Variants in PIGH observed in about 807,000 individuals in gnomAD.
PIGH encodes the protein phosphatidylinositol N-acetylglucosaminyltransferase subunit H.
A neutral mutation model predicts 20.1 loss-of-function variants in PIGH; 11 were observed. The ratio of observed to expected loss-of-function variants is 0.55; its 90% CI spans 0.34 to 0.91. PIGH has a LOEUF of 0.91. Among genes scored for constraint, PIGH ranks in the 40% least tolerant of loss-of-function variants. The pLI is 0.02. For synonymous variants in PIGH, 72 were observed against 93.1 expected (o/e 0.77, Z 1.31); for missense variants, 189 against 233.6 (o/e 0.81, Z 1.24).
chr14:67,599,430 C>T (rs772407722), intron 1 of PIGH, among the ~76,000 whole-genome samples: 45 of 152,090 alleles, frequency 3.0e-4, no homozygotes, highest in Non-Finnish European at 6.2e-4. Context: ...CTATCACACA[C>T]GTCCAAAATT....
chr14:67,599,784 G>T (rs7149863), intron 1 of PIGH, among the ~76,000 whole-genome samples: 1 of 152,340 alleles, frequency 6.6e-6, no homozygotes, highest in South Asian at 2.1e-4. Flanking sequence ...GTGAACCCAC[G>T]GAGCAGAGCA....
intron 3 of PIGH, chr14:67,591,810 C>T (rs1477056169): frequency 6.6e-6 from 1 of 150,460 alleles, no homozygotes; most frequent in Non-Finnish European, 1.5e-5. Context: ...GTTGGGATTA[C>T]AGGCATGAGC....
intron 3 of PIGH, among the ~76,000 whole-genome samples, chr14:67,591,642 C>T (rs1163690902): frequency 3.9e-5 from 6 of 152,128 alleles, no homozygotes; most frequent in African/African-American, 7.2e-5. Context: ...AGCAATCCTC[C>T]CACCTCAGCT....
intron 2 of PIGH, 34 bp from the exon 3 acceptor site, chr14:67,592,752 G>C (rs769448851): frequency 1.6e-6 from 2 of 1,238,528 alleles, no homozygotes; most frequent in Non-Finnish European, 2.4e-6. Context: ...CAAAGTCTAA[G>C]TGAAACTCAT....
intron 3 of PIGH, chr14:67,592,271 C>G: frequency 2.5e-6 from 1 of 399,440 alleles, no homozygotes; most frequent in Non-Finnish European, 4.8e-6. Flanking sequence ...CTCATCTCTA[C>G]TAAAAATAAA....
At position 67,599,784 on chromosome 14, in the gene PIGH, G is replaced by C. The variant is rs7149863; in HGVS notation, c.180+240C>G. On this transcript the variant is annotated intron_variant, in intron 1 of 3. Transcript: ENST00000216452. ...CTAGATGTATGCTGAGTGAACCCAC[G>C]GAGCAGAGCACAGCCACGGAAGGGG... 0.99 allele frequency among the ~76,000 whole-genome samples: 150,721 copies of C among 152,334 alleles called. 74,578 individuals are homozygous for C. The highest frequency in any genetic ancestry group is 1 in the Middle Eastern group (294 of 294).
In PIGH at chr14:67,590,182, A is replaced by G; in HGVS notation, c.475-10T>C. On this transcript the variant is annotated splice_polypyrimidine_tract_variant and intron_variant, in intron 3 of 3. Coordinates refer to ENST00000216452, the MANE Select transcript of PIGH (RefSeq NM_004569.5). ...GCCGGGGCTTGGCACTCTGAATTCC[A>G]AAGGGGAGAAATGCGGAGTCAAGGT... is the stretch of plus-strand genomic sequence containing the variant. The G allele has an allele frequency of 1.3e-6, 2 of 1,547,922 alleles. No individual in the cohort carries two copies. The highest frequency in any genetic ancestry group is 1.7e-6 in the Non-Finnish European group (2 of 1,145,672).
chr14:67,594,638 T>C (rs2036436768), intron 1 of PIGH, among the ~76,000 whole-genome samples: 1 of 148,808 alleles, frequency 6.7e-6, no homozygotes. Context: ...GATGACAGAG[T>C]GAGACATCTC....
At chr14:67,593,562 A>T in intron 2 of PIGH, 181 bp downstream of exon 2, 1 of 571,736 alleles carries the variant, frequency 1.7e-6, no homozygotes. Flanking sequence ...TTGGTCTTGA[A>T]GATAAAGTTG....
rs10681128 is a variant in PIGH, at chr14:67,598,713, C to CTTTTT, written c.180+1306_180+1310dup. On this transcript the variant is annotated intron_variant, in intron 1 of 3. Transcript: ENST00000216452. The stretch of plus-strand genomic sequence containing the variant: ...TCATTTTAACTGACTTATGAACAAA[C>CTTTTT]TTTTTTTTTTTTTTGAGACAGAGTC... Among the ~76,000 whole-genome samples, 130 of 144,412 alleles carry CTTTTT rather than the reference C, an allele frequency of 9.0e-4. 4 individuals carry two copies. The highest frequency in any genetic ancestry group is 1.8e-3 in the South Asian group (8 of 4,570). The allele number at this position is 144,412 out of a possible 152,430, so 94.7% of individuals were successfully genotyped here. A position where few individuals can be genotyped will look rare whatever the true frequency, so the allele number is the denominator to read the frequency against.
intron 1 of PIGH, among the ~76,000 whole-genome samples, chr14:67,599,524 T>G (rs2036534823): frequency 1.3e-5 from 2 of 152,020 alleles, no homozygotes; most frequent in South Asian, 4.2e-4. Context: ...AAACAGAGAT[T>G]AGGAAGAACT....
intron 1 of PIGH, 149 bp downstream of exon 1, chr14:67,599,875 T>C: frequency 1.6e-6 from 1 of 613,900 alleles, no homozygotes; most frequent in Non-Finnish European, 2.9e-6. Flanking sequence ...CAGCGGAATA[T>C]CGTCCCCAGA....
chr14:67,599,931 G>T lies in PIGH; in HGVS notation c.180+93C>A. On this transcript the variant is annotated intron_variant, in intron 1 of 3. Coordinates refer to ENST00000216452, the MANE Select transcript of PIGH (RefSeq NM_004569.5). The stretch of plus-strand genomic sequence containing the variant: ...CTGTCCTATCACTGTAGGAGGGGCC[G>T]ACCAGAGGTCCGGGCTCGACCAAAG... 4.6e-6 allele frequency: 5 copies of T among 1,092,286 alleles called. No homozygotes were observed. In the South Asian group the frequency reaches 4.9e-5, roughly 11 times the overall value. 67.7% of individuals were successfully genotyped at this position (1,092,286 alleles called of 1,614,324 possible).
intron 1 of PIGH, among the ~76,000 whole-genome samples, chr14:67,594,714 T>C (rs2036438607): frequency 1.3e-5 from 2 of 152,038 alleles, no homozygotes; most frequent in South Asian, 2.1e-4. Flanking sequence ...GAGGGAGTTA[T>C]GTCCTGATAA....
intron 1 of PIGH, among the ~76,000 whole-genome samples, chr14:67,597,257 C>T (rs367748483): frequency 6.2e-4 from 95 of 152,306 alleles, no homozygotes; most frequent in Admixed American, 5.0e-3. Context: ...ATGGGGGGAT[C>T]GCTTGAGGCC....
Position 67,600,166 on chromosome 14 carries a change from C to T in PIGH, c.38G>A (p.Gly13Asp). ...DERSFSDICG[G>D]RLALQRRYYS... The stretch of plus-strand genomic sequence containing the variant: ...GTAGCGGCGCTGCAGCGCCAGGCGG[C>T]CGCCGCAGATATCCGAAAAGCTCCG... The change falls in exon 1 of 4, where the codon GGC (glycine) becomes GAC (aspartate). Residue 13 changes from glycine (G) to aspartate (D), a missense_variant. Transcript: ENST00000216452. The T allele has an allele frequency of 6.3e-7, 1 of 1,589,888 alleles. No individual in the cohort carries two copies. The highest frequency in any genetic ancestry group is 2.3e-5 in the East Asian group (1 of 43,434).
intron 3 of PIGH, 74 bp from the exon 4 acceptor site, chr14:67,590,246 CA>C: frequency 2.3e-5 from 24 of 1,022,450 alleles, no homozygotes; most frequent in South Asian, 6.0e-5. Context: ...CATCCACTTG[CA>C]AATTTTTTTT....
intron 1 of PIGH, among the ~76,000 whole-genome samples, chr14:67,594,571 T>C (rs2036435184): frequency 6.6e-6 from 1 of 150,920 alleles, no homozygotes; most frequent in Non-Finnish European, 1.5e-5. Flanking sequence ...CGCTTGAACC[T>C]GGGAGGCGGA....
chr14:67,600,004 A>G lies in PIGH; in HGVS notation c.180+20T>C. 1 of 1,540,136 alleles carries G rather than the reference A, an allele frequency of 6.5e-7. No homozygotes were observed. Among genetic ancestry groups the G allele is most frequent in the Non-Finnish European group, 8.8e-7 (1 of 1,141,400 alleles). ...CGAACCCCCTCCTTCGAGCGCGGGG[A>G]GGGGCCGACTTGCCATTACCTCGCA... On this transcript the variant is annotated intron_variant, in intron 1 of 3. Transcript: ENST00000216452.
Sources: allele counts gnomAD v4.1 joint callset (sites outside exome capture counted in the v4.1 genomes callset), GRCh38; gene constraint gnomAD v4.1.1; transcripts MANE v1.5; gene names NCBI Gene and HGNC (gene_info 2026-07-23, HGNC 2026-07-21).